Variants in NAALADL2 observed in about 807,000 individuals in gnomAD.
NAALADL2 encodes N-acetylated alpha-linked acidic dipeptidase like 2.
Under a neutral mutation model 87.2 loss-of-function variants are expected in NAALADL2, and 76 were observed. The observed-to-expected ratio is 0.87, with a 90% confidence interval of 0.72 to 1.05. The LOEUF is 1.05. NAALADL2 is among the 50% of genes least tolerant of loss of function. NAALADL2 has a pLI of 0.00. For synonymous variants in NAALADL2, 354 were observed against 331.0 expected, an observed-to-expected ratio of 1.07 and a Z score of -0.75; for missense variants, 1,089 against 945.8, an observed-to-expected ratio of 1.15 and a Z score of -1.99.
chr3:174,953,123 G>A (rs887918216), intron 1 of NAALADL2, among the ~76,000 whole-genome samples: 40 of 151,924 alleles, frequency 2.6e-4, no homozygotes, highest in Non-Finnish European at 5.4e-4. Context: ...TGAGACACAG[G>A]AAGGTCTAGA....
At chr3:175,657,344 C>T (rs914688973) in intron 11 of NAALADL2, among the ~76,000 whole-genome samples, 1 of 152,068 alleles carries the variant, frequency 6.6e-6, no homozygotes, top group African/African-American at 2.4e-5. Flanking sequence ...CTATAGGCCT[C>T]CAAATACAAG....
At chr3:175,298,455 T>C (rs1220544254) in intron 4 of NAALADL2, among the ~76,000 whole-genome samples, 1 of 152,144 alleles carries the variant, frequency 6.6e-6, no homozygotes, top group African/African-American at 2.4e-5. Context: ...ATAATAACTT[T>C]CTTTAAACTT....
At chr3:174,610,266 A>G (rs1179443876) in intron 2 of NAALADL2, among the ~76,000 whole-genome samples, 1 of 152,098 alleles carries the variant, frequency 6.6e-6, no homozygotes, top group African/African-American at 2.4e-5. Context: ...CAAGGACTTC[A>G]TGTCTCAAAC....
chr3:174,574,283 A>G (rs1315590349), intron 2 of NAALADL2, among the ~76,000 whole-genome samples: 1 of 152,048 alleles, frequency 6.6e-6, no homozygotes, highest in Non-Finnish European at 1.5e-5. Context: ...CTACTTTCAT[A>G]ATGTGTGTTG....
intron 9 of NAALADL2, among the ~76,000 whole-genome samples, chr3:175,559,632 AC>A (rs1171473352): frequency 1.3e-5 from 2 of 151,996 alleles, no homozygotes; most frequent in Admixed American, 6.6e-5. Context: ...AAGTTTTTTG[AC>A]GGTTTTATCA....
chr3:174,884,338 A>G (rs1729797444), intron 1 of NAALADL2, among the ~76,000 whole-genome samples: 1 of 152,168 alleles, frequency 6.6e-6, no homozygotes, highest in Non-Finnish European at 1.5e-5. Flanking sequence ...CCCAGCCCTG[A>G]AAAGTATTGT....
intron 9 of NAALADL2, among the ~76,000 whole-genome samples, chr3:175,501,424 G>GACACACACACAC (rs61284771): frequency 0.11 from 16,001 of 148,476 alleles, 1,015 homozygotes; most frequent in African/African-American, 0.18. Context: ...ATACGTTTTA[G>GACACACACACAC]ACACACACAC....
At chr3:174,572,196 T>C (rs1451280350) in intron 2 of NAALADL2, among the ~76,000 whole-genome samples, 1 of 152,122 alleles carries the variant, frequency 6.6e-6, no homozygotes, top group African/African-American at 2.4e-5. Context: ...TGGTGTGATC[T>C]TGGCTCACTG....
At chr3:174,770,704 G>C (rs1714426048) in intron 3 of NAALADL2, among the ~76,000 whole-genome samples, 2 of 152,130 alleles carry the variant, frequency 1.3e-5, no homozygotes, top group East Asian at 1.9e-4. Context: ...GCTGGGCTTG[G>C]TGGTGGGCAC....
intron 2 of NAALADL2, among the ~76,000 whole-genome samples, chr3:175,135,561 A>T (rs369258775): frequency 1.3e-4 from 20 of 152,328 alleles, no homozygotes; most frequent in African/African-American, 4.8e-4. Flanking sequence ...GTGATTAAAA[A>T]TTACCGAGGA....
chr3:175,755,739 C>T (rs960149483), intron 13 of NAALADL2, among the ~76,000 whole-genome samples: 2 of 150,358 alleles, frequency 1.3e-5, no homozygotes, highest in African/African-American at 5.0e-5. Flanking sequence ...ACTTTCTTGA[C>T]CAGATCAGGG....
intron 1 of NAALADL2, among the ~76,000 whole-genome samples, chr3:174,530,246 CTT>C (rs777097285): frequency 1.3e-5 from 2 of 152,168 alleles, no homozygotes; most frequent in Non-Finnish European, 2.9e-5. Context: ...GCACCAGTCT[CTT>C]TGCTAAAACA....
At chr3:175,351,248 AT>A (rs755757486) in intron 5 of NAALADL2, among the ~76,000 whole-genome samples, 12 of 152,228 alleles carry the variant, frequency 7.9e-5, no homozygotes, top group Non-Finnish European at 1.3e-4. Context: ...TTTTAAAAAA[AT>A]AGCTGTGCAT....
chr3:174,674,490 T>C (rs1181575133), intron 2 of NAALADL2, among the ~76,000 whole-genome samples: 1 of 152,056 alleles, frequency 6.6e-6, no homozygotes, highest in East Asian at 1.9e-4. Context: ...GATGTCCCAT[T>C]TCTACTCAAC....
chr3:174,559,847 A>G (rs1247748293), intron 2 of NAALADL2, among the ~76,000 whole-genome samples: 1 of 152,166 alleles, frequency 6.6e-6, no homozygotes, highest in Non-Finnish European at 1.5e-5. Flanking sequence ...TTAAGATTTC[A>G]AGGAATGAAT....
intron 9 of NAALADL2, among the ~76,000 whole-genome samples, chr3:175,528,292 A>G (rs1733679444): frequency 6.6e-6 from 1 of 152,100 alleles, no homozygotes; most frequent in Non-Finnish European, 1.5e-5. Flanking sequence ...AAAACAGAAG[A>G]ACTTGGAGTC....
At chr3:175,365,875 T>A (rs896836696) in intron 5 of NAALADL2, among the ~76,000 whole-genome samples, 14 of 147,318 alleles carry the variant, frequency 9.5e-5, no homozygotes, top group African/African-American at 3.4e-4. Flanking sequence ...TATCTTTTTT[T>A]AATTATTATT....
intron 1 of NAALADL2, 114 bp downstream of exon 1, chr3:174,859,564 TTCAG>T: frequency 1.3e-6 from 1 of 789,276 alleles, no homozygotes; most frequent in Non-Finnish European, 2.1e-6. Flanking sequence ...TGCATGCATG[TTCAG>T]GTGCCCTGGC....
At chr3:174,591,651 A>T (rs546543867) in intron 2 of NAALADL2, among the ~76,000 whole-genome samples, 144 of 152,312 alleles carry the variant, frequency 9.5e-4, no homozygotes, top group African/African-American at 3.2e-3. Context: ...AATTTTTGAT[A>T]CTATCTAAAG....
Sources: gnomAD v4.1 joint callset for allele counts (sites outside exome capture counted in the v4.1 genomes callset) on GRCh38, gnomAD v4.1.1 for gene constraint, MANE v1.5 for transcripts, NCBI Gene and HGNC (gene_info 2026-07-23, HGNC 2026-07-21) for gene names.